The following MARCHF1 variants were observed in gnomAD, a reference collection of about 807,000 sequenced individuals.
MARCHF1 encodes membrane associated ring-CH-type finger 1.
A neutral mutation model predicts 54.2 loss-of-function variants in MARCHF1; 40 were observed. The observed-to-expected ratio is 0.74, with a 90% CI of 0.57 to 0.96. The LOEUF (loss-of-function observed/expected upper bound fraction) is 0.96. Ranked by LOEUF, MARCHF1 falls within the 40% of genes least tolerant of loss-of-function variation. The pLI is 0.00. For missense variants in MARCHF1, 586 were observed against 656.5 expected, an observed-to-expected ratio of 0.89 and a Z score of 1.17; for synonymous variants, 236 against 236.3, an observed-to-expected ratio of 1.00 and a Z score of 0.01.
At chr4:163,610,129 C>T (rs1741285072) in intron 7 of MARCHF1, among the ~76,000 whole-genome samples, 1 of 151,918 alleles carries the variant, frequency 6.6e-6, no homozygotes, top group South Asian at 2.1e-4. Context: ...TAGATCATCC[C>T]AGATCTCAGC....
intron 8 of MARCHF1, among the ~76,000 whole-genome samples, chr4:163,580,295 G>T (rs1376006598): frequency 6.6e-6 from 1 of 152,090 alleles, no homozygotes; most frequent in Admixed American, 6.5e-5. Context: ...GGCCAGGCTG[G>T]TCTCGGTCTC....
Position 163,666,060 on chromosome 4 carries a change from G to A in MARCHF1, c.162+34753C>T, listed in dbSNP as rs886275840. Reference sequence around the variant, plus strand: ...AAATGTCTTCTTTAATTACTGTTAAGCATTGTATATACATCATCACTCTAA... The same window carrying A: ...AAATGTCTTCTTTAATTACTGTTAAACATTGTATATACATCATCACTCTAA... On this transcript the variant is annotated intron_variant, in intron 5 of 9. Coordinates refer to ENST00000514618, the MANE Select transcript of MARCHF1 (RefSeq NM_001394959.1). Among the ~76,000 whole-genome samples, 7 of 152,106 alleles carry A rather than the reference G, an allele frequency of 4.6e-5. No homozygotes were observed. The South Asian group carries it at 6.2e-4, about 14-fold the overall frequency.
At chr4:163,740,446 A>C (rs956628101) in intron 4 of MARCHF1, among the ~76,000 whole-genome samples, 8 of 152,188 alleles carry the variant, frequency 5.3e-5, no homozygotes, top group Non-Finnish European at 8.8e-5. Context: ...TACTTATAGC[A>C]ATAGCAGTAC....
At chr4:163,944,526 C>T (rs1318542033) in intron 3 of MARCHF1, among the ~76,000 whole-genome samples, 1 of 152,132 alleles carries the variant, frequency 6.6e-6, no homozygotes, top group African/African-American at 2.4e-5. Flanking sequence ...CTTGAGCTTC[C>T]TTCCTGGTTG....
chr4:164,029,277 G>A (rs572721776), intron 2 of MARCHF1, among the ~76,000 whole-genome samples: 54 of 152,208 alleles, frequency 3.5e-4, no homozygotes, highest in African/African-American at 1.3e-3. Context: ...TTACAATCAC[G>A]GAGGAAGGCA....
At chr4:163,886,619 C>A (rs1177874753) in intron 3 of MARCHF1, among the ~76,000 whole-genome samples, 18 of 151,962 alleles carry the variant, frequency 1.2e-4, no homozygotes, top group Admixed American at 1.2e-3. Context: ...ACAGAAAATG[C>A]AAATGTAATT....
At chr4:164,358,893 T>C (rs2110917600) in intron 1 of MARCHF1, among the ~76,000 whole-genome samples, 1 of 152,236 alleles carries the variant, frequency 6.6e-6, no homozygotes. Context: ...CATAAAAATG[T>C]TAAAAGACGC....
At chr4:164,313,676 G>GA (rs1044810145) in intron 1 of MARCHF1, among the ~76,000 whole-genome samples, 12 of 150,854 alleles carry the variant, frequency 8.0e-5, no homozygotes, top group Admixed American at 3.3e-4. Context: ...CATTTTAAAA[G>GA]AAAAAAAAAT....
Position 163,527,816 on chromosome 4 carries a change from T to TATCAATC in MARCHF1, c.*925_*931dup, listed in dbSNP as rs1553988817. 1.8e-4 allele frequency: 26 copies of TATCAATC among 147,954 alleles called. No individual in the cohort carries two copies. Among genetic ancestry groups the TATCAATC allele is most frequent in the African/African-American group, 6.1e-4 (25 of 40,910 alleles). 9.2% of individuals were successfully genotyped at this position (147,954 alleles called of 1,614,324 possible). On this transcript the variant is annotated 3_prime_UTR_variant, in exon 10 of 10. Transcript: ENST00000514618. The stretch of plus-strand genomic sequence containing the variant: ...CTTGGTTCAAGAAACAGATGTAAAC[T>TATCAATC]ATCAATCAATCAATCAATTTTTTAT...
intron 4 of MARCHF1, among the ~76,000 whole-genome samples, chr4:163,725,865 G>A (rs758399195): frequency 5.9e-5 from 9 of 152,152 alleles, no homozygotes; most frequent in Non-Finnish European, 1.3e-4. Flanking sequence ...GTTAATGTCT[G>A]TTTTTGTTAA....
At chr4:164,332,836 TTA>T (rs1376968701) in intron 1 of MARCHF1, among the ~76,000 whole-genome samples, 1 of 152,170 alleles carries the variant, frequency 6.6e-6, no homozygotes, top group African/African-American at 2.4e-5. Flanking sequence ...AATTAGATGT[TTA>T]TGTTATATAA....
At chr4:164,169,555 T>C (rs754806846) in intron 1 of MARCHF1, among the ~76,000 whole-genome samples, 2 of 152,112 alleles carry the variant, frequency 1.3e-5, no homozygotes, top group Non-Finnish European at 2.9e-5. Context: ...TTTCTAAACA[T>C]GGTCTTATTT....
intron 4 of MARCHF1, among the ~76,000 whole-genome samples, chr4:163,815,512 C>G (rs1748509337): frequency 6.6e-6 from 1 of 152,068 alleles, no homozygotes; most frequent in Admixed American, 6.6e-5. Context: ...AGTAAAGAGG[C>G]TCAGAGATGA....
intron 1 of MARCHF1, among the ~76,000 whole-genome samples, chr4:164,256,432 T>TAAAAAAAAAAAAAAAAAAAAGAA (rs11345775): frequency 8.2e-6 from 1 of 121,860 alleles, no homozygotes; most frequent in Non-Finnish European, 1.7e-5. Flanking sequence ...ACAAGAAGCT[T>TAAAAAAAAAAAAAAAAAAAAGAA]AAAAAAAAAA....
intron 1 of MARCHF1, among the ~76,000 whole-genome samples, chr4:164,244,255 ATCTC>A: frequency 6.6e-6 from 1 of 151,832 alleles, no homozygotes; most frequent in East Asian, 1.9e-4. Context: ...ATAACAAACT[ATCTC>A]TCAGACCACA....
chr4:164,112,989 A>C (rs2952331), intron 1 of MARCHF1, among the ~76,000 whole-genome samples: 145,618 of 146,228 alleles, frequency 1, 72,525 homozygotes, highest in Middle Eastern at 1. Flanking sequence ...ACCCATTAAA[A>C]AATTGCAAAT....
At chr4:163,921,734 GA>G (rs767117142) in intron 3 of MARCHF1, among the ~76,000 whole-genome samples, 2 of 151,990 alleles carry the variant, frequency 1.3e-5, no homozygotes, top group Admixed American at 1.3e-4. Flanking sequence ...AGGAAATCAA[GA>G]ATTAAATTTT....
chr4:164,217,017 T>C (rs972324755), intron 1 of MARCHF1, among the ~76,000 whole-genome samples: 1 of 149,912 alleles, frequency 6.7e-6, no homozygotes, highest in Non-Finnish European at 1.5e-5. Context: ...GGAGTACAAA[T>C]GTAGAATTAG....
intron 3 of MARCHF1, among the ~76,000 whole-genome samples, chr4:163,955,689 A>G (rs1752219036): frequency 6.6e-6 from 1 of 152,112 alleles, no homozygotes; most frequent in African/African-American, 2.4e-5. Context: ...ATCCTGTTAC[A>G]GCACTTATGT....
Sources: gnomAD v4.1 joint callset for allele counts (sites outside exome capture counted in the v4.1 genomes callset) on GRCh38, gnomAD v4.1.1 for gene constraint, MANE v1.5 for transcripts, NCBI Gene and HGNC (gene_info 2026-07-23, HGNC 2026-07-21) for gene names.